ZC3H7B: variants seen among roughly 807,000 people sequenced by gnomAD.
ZC3H7B encodes zinc finger CCCH domain-containing protein 7B.
In ZC3H7B, 35 loss-of-function variants were observed where a neutral mutation model predicts 116.0. That is an observed-to-expected ratio of 0.30 (90% CI 0.23 to 0.40). The LOEUF is 0.40. Among genes scored for constraint, ZC3H7B ranks in the 10% least tolerant of loss-of-function variants. The probability of loss-of-function intolerance (pLI) is 1.00; values close to 1 mark genes in which losing one functional copy is unlikely to be tolerated. For missense variants in ZC3H7B, 1,011 were observed against 1,321.5 expected (o/e 0.77, Z 3.64); for synonymous variants, 502 against 545.6 (o/e 0.92, Z 1.11).
chr22:41,310,300 C>T (rs2036101643), intron 1 of ZC3H7B, among the ~76,000 whole-genome samples: 1 of 152,200 alleles, frequency 6.6e-6, no homozygotes, highest in Non-Finnish European at 1.5e-5. Flanking sequence ...TTTCTGACCC[C>T]TTCAGGGGGA....
intron 2 of ZC3H7B, among the ~76,000 whole-genome samples, chr22:41,323,555 A>G (rs1017264250): frequency 2.0e-5 from 3 of 152,130 alleles, no homozygotes; most frequent in Non-Finnish European, 4.4e-5. Context: ...GGGGCGTTCT[A>G]GGAAGGCCCA....
intron 6 of ZC3H7B, among the ~76,000 whole-genome samples, chr22:41,330,664 G>C: frequency 6.6e-6 from 1 of 152,208 alleles, no homozygotes; most frequent in East Asian, 2.0e-4. Flanking sequence ...TGGATGGGCT[G>C]GACGCAGTGC....
At chr22:41,321,303 C>T (rs933941223) in intron 2 of ZC3H7B, among the ~76,000 whole-genome samples, 1 of 150,688 alleles carries the variant, frequency 6.6e-6, no homozygotes, top group Non-Finnish European at 1.5e-5. Context: ...GCAACTTCTG[C>T]CTCCTGGGTT....
chr22:41,318,102 A>G (rs900301811), intron 1 of ZC3H7B, among the ~76,000 whole-genome samples: 3 of 152,042 alleles, frequency 2.0e-5, no homozygotes, highest in South Asian at 2.1e-4. Flanking sequence ...TGACTCCTCT[A>G]CCTTAGGGTG....
intron 5 of ZC3H7B, among the ~76,000 whole-genome samples, chr22:41,329,320 G>A (rs1312267661): frequency 3.4e-5 from 5 of 146,546 alleles, no homozygotes; most frequent in Admixed American, 6.9e-5. Context: ...GTGCAGCGGC[G>A]CAGTCTTGGC....
chr22:41,307,879 G>A (rs1334468815), intron 1 of ZC3H7B, among the ~76,000 whole-genome samples: 2 of 152,182 alleles, frequency 1.3e-5, no homozygotes, highest in Admixed American at 6.5e-5. Context: ...CTGCCATGCA[G>A]GAGACAGTCT....
Position 41,349,845 on chromosome 22 carries a change from G to T in ZC3H7B, c.1948+544G>T, listed in dbSNP as rs2036635678. On this transcript the variant is annotated intron_variant, in intron 16 of 22. Coordinates refer to ENST00000352645, the MANE Select transcript of ZC3H7B (RefSeq NM_017590.6). This position sits in a 1 kb window ranked among gnomAD's most constrained non-coding sequence, Gnocchi z 4.9. Reference sequence around the variant, plus strand: ...TACATTTATAAGTGGGGGCCAGACAGATAATATATCAACAGGTGAATAAAT... The same window carrying T: ...TACATTTATAAGTGGGGGCCAGACATATAATATATCAACAGGTGAATAAAT... Among the ~76,000 whole-genome samples the T allele has an allele frequency of 6.6e-6, 1 of 152,252 alleles. No homozygotes were observed. Among genetic ancestry groups the T allele is most frequent in the Admixed American group, 6.5e-5 (1 of 15,290 alleles).
chr22:41,356,248 TG>T, intron 20 of ZC3H7B, 94 bp from the exon 21 acceptor site: 1 of 1,574,492 alleles, frequency 6.4e-7, no homozygotes, highest in Non-Finnish European at 8.6e-7. Context: ...CAGCAGGACT[TG>T]GGACGCCCAC....
At position 41,348,081 on chromosome 22, in the gene ZC3H7B, T is replaced by C. The variant is rs778880865; in HGVS notation, c.1680T>C (p.Ser560=). The C allele has an allele frequency of 1.2e-5, 19 of 1,613,930 alleles. No homozygotes were observed. The South Asian group carries it at 1.6e-4, about 14-fold the overall frequency. ...TCCCTGGGCAGATCTGCTTTGACAGTAAACCCCGGATCATCAGCAAAGGCA... is the reference window on the plus strand; with the variant it reads ...TCCCTGGGCAGATCTGCTTTGACAGCAAACCCCGGATCATCAGCAAAGGCA... ...FTFLCEICFD[S]KPRIISKGTK... is the part of the protein sequence containing the mutation. Residue 560 remains serine, a synonymous_variant, in exon 15 of 23, where the codon AGT becomes AGC. Coordinates refer to ENST00000352645, the MANE Select transcript of ZC3H7B (RefSeq NM_017590.6).
At chr22:41,317,558 G>A (rs565508573) in intron 1 of ZC3H7B, among the ~76,000 whole-genome samples, 21 of 152,144 alleles carry the variant, frequency 1.4e-4, no homozygotes, top group Middle Eastern at 3.4e-3. Flanking sequence ...GGGAGACTCA[G>A]GTGGGAGGAT....
intron 2 of ZC3H7B, among the ~76,000 whole-genome samples, chr22:41,324,665 G>C (rs548029620): frequency 1.3e-5 from 2 of 152,288 alleles, no homozygotes; most frequent in East Asian, 3.9e-4. Flanking sequence ...ACCCCACCTA[G>C]AATGATTTGT....
rs1355470432 is a variant in ZC3H7B, at chr22:41,338,064, C to T, written c.583-249C>T. 6.6e-6 allele frequency among the ~76,000 whole-genome samples: 1 copy of T among 152,156 alleles called. No homozygotes were observed. The highest frequency in any genetic ancestry group is 1.5e-5 in the Non-Finnish European group (1 of 68,016). On this transcript the variant is annotated intron_variant, in intron 7 of 22. Coordinates refer to ENST00000352645, the MANE Select transcript of ZC3H7B (RefSeq NM_017590.6). The surrounding 1 kb of genome is among the most constrained non-coding windows in gnomAD (Gnocchi z 4.5). ...TGTATTTTTAGTAGAGATGAGGTTT[C>T]ACCATGTTGGCCATGCTGGTCTTGA...
chr22:41,326,560 C>T (rs1449652421), intron 4 of ZC3H7B, among the ~76,000 whole-genome samples: 1 of 152,106 alleles, frequency 6.6e-6, no homozygotes, highest in Non-Finnish European at 1.5e-5. Context: ...TCAGCCTCCT[C>T]ACTGTTTCTC....
In ZC3H7B at chr22:41,340,143, G is replaced by A. The variant is rs772436773; in HGVS notation, c.1138+6G>A. On this transcript the variant is annotated splice_donor_region_variant and intron_variant, in intron 10 of 22. Coordinates refer to ENST00000352645, the MANE Select transcript of ZC3H7B (RefSeq NM_017590.6). ...CAAACCTGACTCCTTCATGGGTAAG[G>A]CCATGGGTGGGCCCGTTCAACCTCC... The A allele has an allele frequency of 3.1e-6, 5 of 1,591,612 alleles. No individual in the cohort carries two copies. Among genetic ancestry groups the A allele is most frequent in the Non-Finnish European group, 3.4e-6 (4 of 1,167,710 alleles).
chr22:41,309,714 A>G (rs1397647575), intron 1 of ZC3H7B, among the ~76,000 whole-genome samples: 3 of 151,982 alleles, frequency 2.0e-5, no homozygotes, highest in Non-Finnish European at 4.4e-5. Context: ...ACGCTGGTTT[A>G]TTTGTCTTCC....
At chr22:41,318,808 T>G (rs945860225) in intron 1 of ZC3H7B, among the ~76,000 whole-genome samples, 6 of 152,130 alleles carry the variant, frequency 3.9e-5, no homozygotes, top group African/African-American at 1.2e-4. Flanking sequence ...CCCTCCCCAC[T>G]GCCCACTCTG....
intron 2 of ZC3H7B, among the ~76,000 whole-genome samples, chr22:41,324,362 G>T (rs148698161): frequency 6.6e-6 from 1 of 152,138 alleles, no homozygotes; most frequent in Non-Finnish European, 1.5e-5. Context: ...CACCTCTCAC[G>T]CACTAGCCTA....
rs1569246429 is a variant in ZC3H7B, at chr22:41,358,944, TCTC to T, written c.*1516_*1518del. Reference sequence around the variant, plus strand: ...AGGAGAGAAGGGACCACCCCATTCTTCTCAAGCAAGGATTGCCAGCGCGCGCTG... The same window carrying T: ...AGGAGAGAAGGGACCACCCCATTCTTAAGCAAGGATTGCCAGCGCGCGCTG... On this transcript the variant is annotated 3_prime_UTR_variant, in exon 23 of 23. Transcript: ENST00000352645. 6.5e-6 allele frequency: 1 copy of T among 154,688 alleles called. No individual in the cohort carries two copies. The highest frequency in any genetic ancestry group is 1.5e-5 in the Non-Finnish European group (1 of 68,240). The allele number at this position is 154,688 out of a possible 1,614,324, so 9.6% of individuals were successfully genotyped here. A position where few individuals can be genotyped will look rare whatever the true frequency, so the allele number is the denominator to read the frequency against.
chr22:41,311,761 A>G (rs1324118704), intron 1 of ZC3H7B, among the ~76,000 whole-genome samples: 1 of 152,076 alleles, frequency 6.6e-6, no homozygotes, highest in Non-Finnish European at 1.5e-5. Flanking sequence ...AGAGAGCAGG[A>G]GCACTGTCCC....
Sources: gnomAD v4.1 joint callset for allele counts (sites outside exome capture counted in the v4.1 genomes callset) on GRCh38, gnomAD v4.1.1 for gene constraint, Gnocchi (gnomAD v3.1) non-coding constraint, MANE v1.5 for transcripts, NCBI Gene and HGNC (gene_info 2026-07-23, HGNC 2026-07-21) for gene names.